Variants in TRIM55 observed in about 807,000 individuals in gnomAD.
TRIM55 encodes tripartite motif containing 55, also known as tripartite motif-containing protein 55.
TRIM55 carries 50 observed loss-of-function variants against 60.9 expected under a neutral mutation model. That is an observed-to-expected ratio of 0.82 (90% CI 0.65 to 1.04). The LOEUF (loss-of-function observed/expected upper bound fraction) is 1.04, where lower values mean the gene tolerates loss of function less well. Among genes scored for constraint, TRIM55 ranks in the 50% least tolerant of loss-of-function variants. The pLI, the probability that TRIM55 is intolerant of heterozygous loss-of-function variation, is 0.00. For synonymous variants in TRIM55, 237 were observed against 238.1 expected (o/e 1.00, Z 0.04); for missense variants, 681 against 666.9 (o/e 1.02, Z -0.23).
chr8:66,142,207 T>G (rs915218035), intron 4 of TRIM55, among the ~76,000 whole-genome samples: 3 of 152,250 alleles, frequency 2.0e-5, no homozygotes, highest in African/African-American at 7.2e-5. Context: ...CTTATTCTGA[T>G]GATGTGATCC....
chr8:66,138,577 G>A (rs911636562), intron 4 of TRIM55, among the ~76,000 whole-genome samples: 1 of 152,138 alleles, frequency 6.6e-6, no homozygotes, highest in Non-Finnish European at 1.5e-5. Context: ...TTTTAGTAGA[G>A]GTGGGCTCTC....
upstream of TRIM55, among the ~76,000 whole-genome samples, chr8:66,124,814 T>G (rs1808759447): frequency 6.6e-6 from 1 of 152,178 alleles, no homozygotes; most frequent in South Asian, 2.1e-4. Flanking sequence ...CTAAAACAGT[T>G]TTGTTGAATT....
At chr8:66,151,588 T>C (rs1810419472) in intron 7 of TRIM55, among the ~76,000 whole-genome samples, 1 of 152,222 alleles carries the variant, frequency 6.6e-6, no homozygotes, top group Non-Finnish European at 1.5e-5. Context: ...AGTCACGGCA[T>C]TCCAGCACTT....
the TRIM55 span, among the ~76,000 whole-genome samples, chr8:66,121,364 T>G: frequency 6.6e-6 from 1 of 152,244 alleles, no homozygotes; most frequent in African/African-American, 2.4e-5. Flanking sequence ...AGTTTCTAGC[T>G]TCTGTCCTGA....
At chr8:66,151,907 CATTA>C (rs1439353014) in intron 7 of TRIM55, among the ~76,000 whole-genome samples, 2 of 151,512 alleles carry the variant, frequency 1.3e-5, no homozygotes, top group East Asian at 1.9e-4. Context: ...AGAGTCGTGA[CATTA>C]ATTATGGCAA....
intron 9 of TRIM55, among the ~76,000 whole-genome samples, chr8:66,167,124 A>G (rs1811370265): frequency 6.6e-6 from 1 of 152,168 alleles, no homozygotes; most frequent in African/African-American, 2.4e-5. Flanking sequence ...CAACAACACC[A>G]GCTGCCCTCT....
chr8:66,161,334 G>A (rs1453863285), intron 9 of TRIM55, among the ~76,000 whole-genome samples: 1 of 152,106 alleles, frequency 6.6e-6, no homozygotes, highest in East Asian at 1.9e-4. Context: ...TCAGTTGGCT[G>A]TAAGTATTTG....
At chr8:66,114,100 T>G in the TRIM55 span, among the ~76,000 whole-genome samples, 1 of 107,096 alleles carries the variant, frequency 9.3e-6, no homozygotes, top group Non-Finnish European at 2.0e-5. Flanking sequence ...CCCCATTATT[T>G]TGTTGCTTTG....
chr8:66,152,903 TTGTGTGTGTGTGTG>T (rs59283692), intron 8 of TRIM55, among the ~76,000 whole-genome samples: 157 of 140,392 alleles, frequency 1.1e-3, no homozygotes, highest in Non-Finnish European at 8.3e-4. Context: ...TGTCTGGAAA[TTGTGTGTGTGTGTG>T]TGTGTGTGTG....
At chr8:66,156,111 C>T (rs891307490) in intron 9 of TRIM55, among the ~76,000 whole-genome samples, 2 of 152,162 alleles carry the variant, frequency 1.3e-5, no homozygotes, top group African/African-American at 2.4e-5. Flanking sequence ...TGCAGGTTTC[C>T]ATAGATTAAG....
At chr8:66,140,233 G>C (rs1362985015) in intron 4 of TRIM55, among the ~76,000 whole-genome samples, 2 of 152,192 alleles carry the variant, frequency 1.3e-5, no homozygotes, top group African/African-American at 2.4e-5. Flanking sequence ...TTTACATATA[G>C]CCTCCTATAC....
chr8:66,152,348 A>G, intron 7 of TRIM55, 29 bp from the exon 8 acceptor site: 1 of 1,546,240 alleles, frequency 6.5e-7, no homozygotes, highest in Non-Finnish European at 8.7e-7. Flanking sequence ...GATAGTTATA[A>G]CAATTTACAA....
intron 5 of TRIM55, 137 bp from the exon 6 acceptor site, chr8:66,150,080 G>T (rs1810324521): frequency 1.8e-6 from 2 of 1,111,976 alleles, no homozygotes; most frequent in East Asian, 5.1e-5. Context: ...ATAGGGTTCT[G>T]TTATAAGACA....
intron 9 of TRIM55, among the ~76,000 whole-genome samples, chr8:66,169,276 C>T (rs1811490114): frequency 6.6e-6 from 1 of 152,166 alleles, no homozygotes; most frequent in African/African-American, 2.4e-5. Flanking sequence ...CATTGACCCC[C>T]AAGCTCAAAC....
At chr8:66,173,883 A>C (rs1811776783) in intron 9 of TRIM55, among the ~76,000 whole-genome samples, 1 of 152,174 alleles carries the variant, frequency 6.6e-6, no homozygotes, top group South Asian at 2.1e-4. Flanking sequence ...TTTAATATAG[A>C]TATGGTTATT....
chr8:66,164,433 G>A (rs1811211255), intron 9 of TRIM55, among the ~76,000 whole-genome samples: 1 of 152,126 alleles, frequency 6.6e-6, no homozygotes. Context: ...ACATACCTGT[G>A]CCCTAGTTCA....
chr8:66,139,033 A>G (rs1438834588), intron 4 of TRIM55, among the ~76,000 whole-genome samples: 2 of 152,158 alleles, frequency 1.3e-5, no homozygotes, highest in African/African-American at 2.4e-5. Flanking sequence ...GAAAAGATCC[A>G]TGATCAGTCT....
At chr8:66,173,588 C>T (rs1161284816) in intron 9 of TRIM55, among the ~76,000 whole-genome samples, 2 of 152,184 alleles carry the variant, frequency 1.3e-5, no homozygotes, top group South Asian at 2.1e-4. Context: ...GTGATGTCAT[C>T]GGAACATGTT....
intron 9 of TRIM55, among the ~76,000 whole-genome samples, chr8:66,171,053 T>C (rs188520315): frequency 6.6e-6 from 1 of 152,346 alleles, no homozygotes; most frequent in East Asian, 1.9e-4. Flanking sequence ...CTGTAATGTT[T>C]ACATAACAAC....
Sources: allele counts gnomAD v4.1 joint callset (sites outside exome capture counted in the v4.1 genomes callset), GRCh38; gene constraint gnomAD v4.1.1; transcripts MANE v1.5; gene names NCBI Gene and HGNC (gene_info 2026-07-23, HGNC 2026-07-21).